The following SPMAP2L variants were observed in gnomAD, a reference collection of about 807,000 sequenced individuals.
The protein encoded by SPMAP2L is sperm microtubule associated protein 2-like.
chr4:56,593,478 CTT>C, the SPMAP2L span: 2 of 1,594,664 alleles, frequency 1.3e-6, no homozygotes, highest in Non-Finnish European at 1.7e-6. Flanking sequence ...AGGTGGAAGA[CTT>C]TACGGAACTC....
the SPMAP2L span, among the ~76,000 whole-genome samples, chr4:56,548,265 T>C: frequency 6.6e-6 from 1 of 152,296 alleles, no homozygotes; most frequent in African/African-American, 2.4e-5. Context: ...GTAGTGCTGA[T>C]GAACTTTTAC....
chr4:56,607,766 T>G, the SPMAP2L span, among the ~76,000 whole-genome samples: 5 of 152,108 alleles, frequency 3.3e-5, no homozygotes, highest in Admixed American at 3.3e-4. Context: ...GGTGGGAGGA[T>G]AGCTTGAGCC....
the SPMAP2L span, among the ~76,000 whole-genome samples, chr4:56,612,720 C>T: frequency 1.3e-5 from 2 of 152,232 alleles, no homozygotes; most frequent in Non-Finnish European, 2.9e-5. Flanking sequence ...GTGCGTGCCT[C>T]CACGCCCGGC....
the SPMAP2L span, among the ~76,000 whole-genome samples, chr4:56,623,608 A>G: frequency 0.081 from 12,338 of 152,172 alleles, 1,267 homozygotes; most frequent in African/African-American, 0.24. Flanking sequence ...AGGGACTGAG[A>G]AGGAGGTAAC....
At chr4:56,565,260 G>A in the SPMAP2L span, among the ~76,000 whole-genome samples, 28 of 152,202 alleles carry the variant, frequency 1.8e-4, 1 homozygote, top group East Asian at 5.0e-3. Context: ...TATTATGATG[G>A]CATATTGAAA....
chr4:56,567,442 G>GTT, the SPMAP2L span, among the ~76,000 whole-genome samples: 574 of 65,550 alleles, frequency 8.8e-3, 47 homozygotes, highest in African/African-American at 0.033. Flanking sequence ...AATTTTGGTG[G>GTT]TTTTTTTTTT....
At chr4:56,592,285 T>A in the SPMAP2L span, among the ~76,000 whole-genome samples, 1 of 152,218 alleles carries the variant, frequency 6.6e-6, no homozygotes, top group East Asian at 1.9e-4. Context: ...GTGAAACTGG[T>A]CCCTGGTGTC....
chr4:56,583,071 G>A, the SPMAP2L span, among the ~76,000 whole-genome samples: 161 of 152,192 alleles, frequency 1.1e-3, no homozygotes, highest in Non-Finnish European at 2.0e-3. Flanking sequence ...TCAGGCGTTC[G>A]AGAACAGCCT....
chr4:56,592,386 T>G, the SPMAP2L span, among the ~76,000 whole-genome samples: 1 of 152,264 alleles, frequency 6.6e-6, no homozygotes, highest in Non-Finnish European at 1.5e-5. Flanking sequence ...CATTTATCTC[T>G]GAATCAGTTA....
At chr4:56,606,443 T>G in the SPMAP2L span, among the ~76,000 whole-genome samples, 1 of 152,168 alleles carries the variant, frequency 6.6e-6, no homozygotes, top group African/African-American at 2.4e-5. Context: ...CTGTGGATCT[T>G]AAGCATAGTG....
At chr4:56,581,469 A>G in the SPMAP2L span, among the ~76,000 whole-genome samples, 1 of 151,966 alleles carries the variant, frequency 6.6e-6, no homozygotes, top group Non-Finnish European at 1.5e-5. Context: ...AAAGAAAAAA[A>G]ATTAGCTGGG....
chr4:56,550,835 A>G, the SPMAP2L span, among the ~76,000 whole-genome samples: 5 of 151,864 alleles, frequency 3.3e-5, no homozygotes, highest in Non-Finnish European at 7.4e-5. Flanking sequence ...TTAGCCCGGT[A>G]TGGTGTCCGT....
the SPMAP2L span, among the ~76,000 whole-genome samples, chr4:56,601,446 C>T: frequency 5.6e-3 from 858 of 152,148 alleles, 6 homozygotes; most frequent in African/African-American, 0.018. Context: ...TAGTGAGACC[C>T]TGTCTCTACA....
the SPMAP2L span, chr4:56,594,972 T>C: frequency 1.6e-5 from 26 of 1,608,504 alleles, no homozygotes; most frequent in South Asian, 2.9e-4. Context: ...CCCATTGGCG[T>C]AAGAAATACC....
At chr4:56,626,178 G>A in the SPMAP2L span, among the ~76,000 whole-genome samples, 141 of 152,328 alleles carry the variant, frequency 9.3e-4, no homozygotes, top group South Asian at 1.5e-3. Context: ...AGCCTCCCAT[G>A]GGTGACTGGG....
At chr4:56,569,993 A>G in the SPMAP2L span, among the ~76,000 whole-genome samples, 3,889 of 152,304 alleles carry the variant, frequency 0.026, 158 homozygotes, top group African/African-American at 0.078. Flanking sequence ...ATAAAACTGT[A>G]TATATACTGT....
chr4:56,549,496 GA>G, the SPMAP2L span, among the ~76,000 whole-genome samples: 17 of 151,710 alleles, frequency 1.1e-4, no homozygotes, highest in Non-Finnish European at 2.4e-4. Context: ...TACCCTTTAT[GA>G]AAAAAAGAAA....
At chr4:56,559,132 C>T in the SPMAP2L span, among the ~76,000 whole-genome samples, 19 of 151,850 alleles carry the variant, frequency 1.3e-4, no homozygotes, top group South Asian at 4.2e-4. Context: ...CGAGGTTTCA[C>T]CATGTTGGCC....
chr4:56,544,758 T>C, the SPMAP2L span, among the ~76,000 whole-genome samples: 1 of 152,200 alleles, frequency 6.6e-6, no homozygotes, highest in Non-Finnish European at 1.5e-5. Flanking sequence ...CTCCGCCGTC[T>C]GGAGCGCCAC....
Sources: gnomAD v4.1 joint callset for allele counts (sites outside exome capture counted in the v4.1 genomes callset) on GRCh38, gnomAD v4.1.1 for gene constraint, MANE v1.5 for transcripts, NCBI Gene and HGNC (gene_info 2026-07-23, HGNC 2026-07-21) for gene names.